Variants in CA2 observed in about 807,000 individuals in gnomAD.
CA2 encodes the protein carbonic anhydrase 2.
Under a neutral mutation model 27.8 loss-of-function variants are expected in CA2, and 23 were observed. The observed-to-expected ratio is 0.83, with a 90% CI of 0.59 to 1.17. The LOEUF is 1.17. Among genes scored for constraint, CA2 ranks in the 50% most tolerant of loss-of-function variants. The pLI is 0.00. For synonymous variants in CA2, 99 were observed against 114.9 expected (o/e 0.86, Z 0.88); for missense variants, 300 against 314.7 (o/e 0.95, Z 0.35).
At position 85,481,387 on chromosome 8, in the gene CA2, G is replaced by A. The variant is rs1165698782; in HGVS notation, c.*598G>A. 6.6e-6 allele frequency: 1 copy of A among 152,570 alleles called. No homozygotes were observed. Among genetic ancestry groups the A allele is most frequent in the Non-Finnish European group, 1.5e-5 (1 of 68,282 alleles). 9.5% of individuals were successfully genotyped at this position (152,570 alleles called of 1,614,324 possible). On this transcript the variant is annotated 3_prime_UTR_variant, in exon 7 of 7. Transcript: ENST00000285379. ...AAATGAAGTATTATCTGTAAAAATT[G>A]TTATAATTAGAGTTGTGATACAGAG...
At chr8:85,474,699 C>A in intron 4 of CA2, 1 of 431,350 alleles carries the variant, frequency 2.3e-6, no homozygotes, top group Non-Finnish European at 4.3e-6. Flanking sequence ...GTTTTCTTTT[C>A]ATTTAACCTG....
chr8:85,465,994 T>C (rs1327434190), intron 2 of CA2, among the ~76,000 whole-genome samples: 2 of 152,184 alleles, frequency 1.3e-5, no homozygotes, highest in Non-Finnish European at 2.9e-5. Context: ...GATGGCAGCA[T>C]GTTTTGATAT....
At position 85,475,861 on chromosome 8, in the gene CA2, G is replaced by A. The variant is rs1156549418; in HGVS notation, c.507+1G>A. The A allele has an allele frequency of 1.2e-6, 2 of 1,613,658 alleles. No individual in the cohort carries two copies. Among genetic ancestry groups the A allele is most frequent in the Non-Finnish European group, 1.7e-6 (2 of 1,179,648 alleles). ...TGTGCTGGATTCCATTAAAACAAAG[G>A]TAAATTTGAATTTTCTGCCACCTCC... On this transcript the variant is annotated splice_donor_variant, in intron 5 of 6. Coordinates refer to ENST00000285379, the MANE Select transcript of CA2 (RefSeq NM_000067.3). LOFTEE classifies it high-confidence loss of function.
rs11777530 is a variant in CA2, at chr8:85,476,842, G to A, written c.508-278G>A. Reference sequence around the variant, plus strand: ...GTGTGATCAGCTAATGACTTAATGGGGAATGTAAGGGATCATTTTAGATAA... The same window carrying A: ...GTGTGATCAGCTAATGACTTAATGGAGAATGTAAGGGATCATTTTAGATAA... On this transcript the variant is annotated intron_variant, in intron 5 of 6. Coordinates refer to ENST00000285379, the MANE Select transcript of CA2 (RefSeq NM_000067.3). Among the ~76,000 whole-genome samples the A allele has an allele frequency of 0.89, 135,101 of 152,076 alleles. 60,202 individuals carry two copies. The highest frequency in any genetic ancestry group is 0.99 in the East Asian group (5,120 of 5,152).
Position 85,480,917 on chromosome 8 carries a change from C to G in CA2, c.*128C>G. 1 of 876,230 alleles carries G rather than the reference C, an allele frequency of 1.1e-6. No homozygotes were observed. The highest frequency in any genetic ancestry group is 1.4e-5 in the South Asian group (1 of 69,356). The allele number at this position is 876,230 out of a possible 1,614,324, so 54.3% of individuals were successfully genotyped here. A position where few individuals can be genotyped will look rare whatever the true frequency, so the allele number is the denominator to read the frequency against. On this transcript the variant is annotated 3_prime_UTR_variant, in exon 7 of 7. Transcript: ENST00000285379. ...AGTTTTCTAGACCCTTCATCTCTTA[C>G]TTGATAGACTTACTAATAAAATGTG... is the stretch of plus-strand genomic sequence containing the variant.
Position 85,480,931 on chromosome 8 carries a change from T to C in CA2, c.*142T>C. On this transcript the variant is annotated 3_prime_UTR_variant, in exon 7 of 7. Coordinates refer to ENST00000285379, the MANE Select transcript of CA2 (RefSeq NM_000067.3). Reference sequence around the variant, plus strand: ...TTCATCTCTTACTTGATAGACTTACTAATAAAATGTGAAGACTAGACCAAT... The same window carrying C: ...TTCATCTCTTACTTGATAGACTTACCAATAAAATGTGAAGACTAGACCAAT... 3 of 823,106 alleles carry C rather than the reference T, an allele frequency of 3.6e-6. No individual in the cohort carries two copies. The highest frequency in any genetic ancestry group is 6.0e-6 in the Non-Finnish European group (3 of 501,316). The allele number at this position is 823,106 out of a possible 1,614,324, so 51.0% of individuals were successfully genotyped here. A position where few individuals can be genotyped will look rare whatever the true frequency, so the allele number is the denominator to read the frequency against.
chr8:85,475,645 T>C (rs1487968559), intron 4 of CA2, among the ~76,000 whole-genome samples, 153 bp from the exon 5 acceptor site: 5 of 152,174 alleles, frequency 3.3e-5, no homozygotes, highest in Non-Finnish European at 5.9e-5. Context: ...ATGGTGTCAG[T>C]GTCATCAAGC....
At chr8:85,465,037 A>G in intron 1 of CA2, 1 of 534,258 alleles carries the variant, frequency 1.9e-6, no homozygotes, top group Admixed American at 3.1e-5. Context: ...AGAGCTTTAC[A>G]TATATCGATT....
intron 5 of CA2, among the ~76,000 whole-genome samples, 197 bp downstream of exon 5, chr8:85,476,057 C>G (rs927959010): frequency 2.6e-5 from 4 of 152,184 alleles, no homozygotes; most frequent in Non-Finnish European, 5.9e-5. Context: ...TAGCATAATT[C>G]TAAGACTTGT....
At chr8:85,472,156 C>T (rs891627414) in intron 2 of CA2, among the ~76,000 whole-genome samples, 13 of 152,148 alleles carry the variant, frequency 8.5e-5, no homozygotes, top group African/African-American at 3.1e-4. Context: ...AGGTGAAGCT[C>T]ATGAACAAAT....
At chr8:85,476,066 G>T (rs969926610) in intron 5 of CA2, among the ~76,000 whole-genome samples, 1 of 152,150 alleles carries the variant, frequency 6.6e-6, no homozygotes, top group Non-Finnish European at 1.5e-5. Context: ...TCTAAGACTT[G>T]TATTTATTTA....
At chr8:85,471,041 G>A (rs541956727) in intron 2 of CA2, among the ~76,000 whole-genome samples, 1 of 152,194 alleles carries the variant, frequency 6.6e-6, no homozygotes, top group East Asian at 1.9e-4. Context: ...AAAATGGCAT[G>A]TAGTCATTTA....
chr8:85,476,155 C>T (rs1300031869), intron 5 of CA2, among the ~76,000 whole-genome samples: 1 of 152,186 alleles, frequency 6.6e-6, no homozygotes, highest in Non-Finnish European at 1.5e-5. Flanking sequence ...CAAAGGTCCT[C>T]TAGTCAAATT....
Position 85,480,445 on chromosome 8 carries a change from G to GTT in CA2, c.664-215_664-214dup, listed in dbSNP as rs34086448. Among the ~76,000 whole-genome samples, 451 of 144,434 alleles carry GTT rather than the reference G, an allele frequency of 3.1e-3. 1 individual carries two copies. Among genetic ancestry groups the GTT allele is most frequent in the South Asian group, 0.011 (48 of 4,564 alleles). The allele number at this position is 144,434 out of a possible 152,430, so 94.8% of individuals were successfully genotyped here. Reference sequence around the variant, plus strand: ...TTAATTTTTGTGTGTGTGTGTGTGTGTTTTTTTTTTTGTAGAGACAGGGTT... The same window carrying GTT: ...TTAATTTTTGTGTGTGTGTGTGTGTGTTTTTTTTTTTTTGTAGAGACAGGGTT... On this transcript the variant is annotated intron_variant, in intron 6 of 6. Coordinates refer to ENST00000285379, the MANE Select transcript of CA2 (RefSeq NM_000067.3).
chr8:85,479,234 G>A (rs979269512), intron 6 of CA2, among the ~76,000 whole-genome samples: 1 of 152,218 alleles, frequency 6.6e-6, no homozygotes, highest in Non-Finnish European at 1.5e-5. Flanking sequence ...TAATGTGACA[G>A]TGTAGTTTAA....
intron 2 of CA2, among the ~76,000 whole-genome samples, chr8:85,468,706 G>A (rs1811666642): frequency 6.6e-6 from 1 of 152,102 alleles, no homozygotes; most frequent in South Asian, 2.1e-4. Flanking sequence ...GTCGCAGTGA[G>A]CCGAGACCGC....
intron 2 of CA2, among the ~76,000 whole-genome samples, chr8:85,473,129 T>A (rs1352495795): frequency 6.6e-6 from 1 of 151,982 alleles, no homozygotes; most frequent in African/African-American, 2.4e-5. Flanking sequence ...ATAATTGGAT[T>A]TTGCAATGTT....
At chr8:85,472,993 C>A (rs1020365686) in intron 2 of CA2, among the ~76,000 whole-genome samples, 22 of 113,228 alleles carry the variant, frequency 1.9e-4, no homozygotes, top group African/African-American at 6.2e-4. Flanking sequence ...AGCTCTGTTT[C>A]AAAATAATAA....
At chr8:85,465,518 C>T in intron 2 of CA2, 49 bp downstream of exon 2, 5 of 1,475,612 alleles carry the variant, frequency 3.4e-6, no homozygotes, top group Non-Finnish European at 4.7e-6. Context: ...AGCTGTTTTC[C>T]GAGCTTAATG....
Sources: gnomAD v4.1 joint callset for allele counts (sites outside exome capture counted in the v4.1 genomes callset) on GRCh38, gnomAD v4.1.1 for gene constraint, MANE v1.5 for transcripts, NCBI Gene and HGNC (gene_info 2026-07-23, HGNC 2026-07-21) for gene names.